The following FAF1 variants were observed in gnomAD, a reference collection of about 807,000 sequenced individuals.
The protein encoded by FAF1 is Fas associated factor 1, also known as FAS-associated factor 1.
A neutral mutation model predicts 92.5 loss-of-function variants in FAF1; 25 were observed. The ratio of observed to expected loss-of-function variants is 0.27; its 90% CI spans 0.20 to 0.38. The LOEUF is 0.38. FAF1 is among the 10% of genes least tolerant of loss of function. FAF1 has a pLI of 1.00. For synonymous variants in FAF1, 234 were observed against 273.2 expected, an observed-to-expected ratio of 0.86 and a Z score of 1.42; for missense variants, 636 against 793.3, an observed-to-expected ratio of 0.80 and a Z score of 2.38.
intron 15 of FAF1, among the ~76,000 whole-genome samples, chr1:50,513,227 C>T (rs1234799021): frequency 6.6e-6 from 1 of 152,184 alleles, no homozygotes; most frequent in Non-Finnish European, 1.5e-5. Context: ...CGCCTGTAAT[C>T]CCAGCACTTT....
chr1:50,692,293 G>GTGTGTGTGTGT (rs1553128968), intron 7 of FAF1, among the ~76,000 whole-genome samples: 8 of 142,266 alleles, frequency 5.6e-5, no homozygotes, highest in South Asian at 2.3e-4. Context: ...GTGTGTGTGT[G>GTGTGTGTGTGT]GTGGGAACAT....
intron 8 of FAF1, among the ~76,000 whole-genome samples, chr1:50,615,939 T>C (rs552467763): frequency 6.6e-6 from 1 of 152,232 alleles, no homozygotes; most frequent in African/African-American, 2.4e-5. Context: ...AAGGCCCTTA[T>C]TGAGAAGGGT....
chr1:50,867,280 G>T (rs1477221216), intron 1 of FAF1, among the ~76,000 whole-genome samples: 1 of 152,134 alleles, frequency 6.6e-6, no homozygotes, highest in Non-Finnish European at 1.5e-5. Context: ...CTTAGGCAAA[G>T]ACTTCATGAC....
chr1:50,589,740 G>A (rs886980156), intron 9 of FAF1, among the ~76,000 whole-genome samples: 1 of 152,118 alleles, frequency 6.6e-6, no homozygotes, highest in Non-Finnish European at 1.5e-5. Context: ...GTCATACCAA[G>A]ATATCATTGC....
chr1:50,679,011 C>A (rs1322865002), intron 7 of FAF1, among the ~76,000 whole-genome samples: 1 of 151,980 alleles, frequency 6.6e-6, no homozygotes, highest in Non-Finnish European at 1.5e-5. Flanking sequence ...GGCATGAACC[C>A]GGGAGGCGGA....
chr1:50,932,117 T>G (rs2124745590), intron 1 of FAF1, among the ~76,000 whole-genome samples: 1 of 151,954 alleles, frequency 6.6e-6, no homozygotes, highest in South Asian at 2.1e-4. Context: ...CAAGTTGAGA[T>G]TTGGATGGGG....
chr1:50,505,013 G>GAAAAGCAC (rs1553220812), intron 15 of FAF1, among the ~76,000 whole-genome samples: 1 of 152,178 alleles, frequency 6.6e-6, no homozygotes, highest in Non-Finnish European at 1.5e-5. Flanking sequence ...TTGTAAGACT[G>GAAAAGCAC]TAGAAGTCTT....
At chr1:50,740,816 TAG>T (rs1271792235) in intron 5 of FAF1, among the ~76,000 whole-genome samples, 1 of 152,086 alleles carries the variant, frequency 6.6e-6, no homozygotes, top group African/African-American at 2.4e-5. Flanking sequence ...GTTATCTCTA[TAG>T]AGTTAACATG....
At chr1:50,688,886 T>G (rs1656791979) in intron 7 of FAF1, among the ~76,000 whole-genome samples, 1 of 152,116 alleles carries the variant, frequency 6.6e-6, no homozygotes, top group Non-Finnish European at 1.5e-5. Context: ...GAATGAACCT[T>G]GAAAACAGTA....
intron 13 of FAF1, among the ~76,000 whole-genome samples, chr1:50,557,342 G>C (rs1649637732): frequency 6.6e-6 from 1 of 152,164 alleles, no homozygotes; most frequent in South Asian, 2.1e-4. Flanking sequence ...AGTTAACTCT[G>C]TTTTGAATAA....
chr1:50,453,912 T>C (rs1190679868), intron 18 of FAF1, among the ~76,000 whole-genome samples: 1 of 152,184 alleles, frequency 6.6e-6, no homozygotes, highest in African/African-American at 2.4e-5. Flanking sequence ...TTTGGGGAAC[T>C]GCAAACCTGC....
chr1:50,882,599 C>A (rs1644621151), intron 1 of FAF1, among the ~76,000 whole-genome samples: 1 of 121,254 alleles, frequency 8.2e-6, no homozygotes, highest in Non-Finnish European at 1.7e-5. Flanking sequence ...AAGACTCTGT[C>A]TTAAATAAAT....
chr1:50,756,830 C>T lies in FAF1; in HGVS notation c.368-12055G>A, dbSNP rs193059481. 2.0e-3 allele frequency among the ~76,000 whole-genome samples: 311 copies of T among 152,296 alleles called. 3 individuals carry two copies. Among genetic ancestry groups the T allele is most frequent in the African/African-American group, 7.4e-3 (307 of 41,564 alleles). On this transcript the variant is annotated intron_variant, in intron 4 of 18. Transcript: ENST00000396153. ...TATAAAATCATCAGATCTCATGAGA[C>T]TTATTCACTATCACGAGAACAGCAT...
At chr1:50,656,746 G>A (rs1036291980) in intron 7 of FAF1, among the ~76,000 whole-genome samples, 2 of 152,030 alleles carry the variant, frequency 1.3e-5, no homozygotes, top group African/African-American at 2.4e-5. Context: ...AGCCAGGTGT[G>A]GTGGTGTGTG....
chr1:50,881,168 G>C (rs1644609042), intron 1 of FAF1, among the ~76,000 whole-genome samples: 2 of 152,054 alleles, frequency 1.3e-5, no homozygotes, highest in African/African-American at 4.8e-5. Context: ...AAACTTAAAA[G>C]TGAAAGAAAA....
chr1:50,824,713 TGAA>T (rs1350057898), intron 2 of FAF1, among the ~76,000 whole-genome samples: 1 of 152,062 alleles, frequency 6.6e-6, no homozygotes, highest in Non-Finnish European at 1.5e-5. Context: ...TATCAGTGGA[TGAA>T]GAGATTTAAA....
chr1:50,770,927 A>G (rs1456323362), intron 4 of FAF1, among the ~76,000 whole-genome samples: 2 of 152,204 alleles, frequency 1.3e-5, no homozygotes, highest in Non-Finnish European at 2.9e-5. Context: ...AGACTCATGG[A>G]ATGGAGAGCC....
chr1:50,625,602 G>A (rs759433770), intron 8 of FAF1, among the ~76,000 whole-genome samples: 18 of 152,104 alleles, frequency 1.2e-4, no homozygotes, highest in African/African-American at 1.4e-4. Flanking sequence ...GAGGGTAGGC[G>A]GAGTGTAAGC....
In FAF1 at chr1:50,815,010, G is replaced by A. The variant is rs180929932; in HGVS notation, c.115-13333C>T. Among the ~76,000 whole-genome samples, 7 of 152,304 alleles carry A rather than the reference G, an allele frequency of 4.6e-5. No individual in the cohort carries two copies. The East Asian group carries it at 1.3e-3, about 29-fold the overall frequency. On this transcript the variant is annotated intron_variant, in intron 2 of 18. Coordinates refer to ENST00000396153, the MANE Select transcript of FAF1 (RefSeq NM_007051.3). ...AAAAAGAGAATTATCATATGGTGCAGCAATTCCACTTCTGGGTATACAATA... is the reference window on the plus strand; with the variant it reads ...AAAAAGAGAATTATCATATGGTGCAACAATTCCACTTCTGGGTATACAATA...
Sources: allele counts gnomAD v4.1 joint callset (sites outside exome capture counted in the v4.1 genomes callset), GRCh38; gene constraint gnomAD v4.1.1; transcripts MANE v1.5; gene names NCBI Gene and HGNC (gene_info 2026-07-23, HGNC 2026-07-21).